The following ULK4 variants were observed in gnomAD, a reference collection of about 807,000 sequenced individuals.
ULK4 encodes the protein unc-51 like kinase 4, also known as inactive serine/threonine-protein kinase ULK4.
ULK4 carries 133 observed loss-of-function variants against 160.6 expected under a neutral mutation model. The ratio of observed to expected loss-of-function variants is 0.83; its 90% CI spans 0.72 to 0.96. ULK4 has a LOEUF of 0.96. ULK4 is among the 40% of genes least tolerant of loss of function. ULK4 has a pLI of 0.00. For missense variants in ULK4, 1,580 were observed against 1,499.5 expected, an observed-to-expected ratio of 1.05 and a Z score of -0.89; for synonymous variants, 534 against 539.8, an observed-to-expected ratio of 0.99 and a Z score of 0.15.
intron 20 of ULK4, among the ~76,000 whole-genome samples, chr3:41,793,105 G>A (rs1425839419): frequency 8.6e-5 from 13 of 151,906 alleles, no homozygotes; most frequent in Admixed American, 5.9e-4. Flanking sequence ...ACCAGAAGGC[G>A]GAGGTTGCAA....
In ULK4 at chr3:41,705,138, T is replaced by A; in HGVS notation, c.2700A>T (p.Ser900=). ...NIDGAIGLTA[S]EEFIKITLSA... ...ACAATGTGATCTTGATAAATTCTTC[T>A]GATGCTGTCAGTCCTAGAAATACAG... Residue 900 remains serine (S), a synonymous_variant, in exon 27 of 37, where the codon TCA becomes TCT. Coordinates refer to ENST00000301831, the MANE Select transcript of ULK4 (RefSeq NM_017886.4). 6.2e-7 allele frequency: 1 copy of A among 1,613,824 alleles called. No individual in the cohort carries two copies. The highest frequency in any genetic ancestry group is 8.5e-7 in the Non-Finnish European group (1 of 1,179,804).
intron 30 of ULK4, among the ~76,000 whole-genome samples, chr3:41,640,925 T>C (rs1331793550): frequency 7.2e-5 from 11 of 152,350 alleles, no homozygotes; most frequent in South Asian, 2.1e-4. Context: ...GAGCTTGCCA[T>C]CTATTTCCCA....
At chr3:41,343,721 G>A (rs1359817627) in intron 35 of ULK4, among the ~76,000 whole-genome samples, 1 of 152,134 alleles carries the variant, frequency 6.6e-6, no homozygotes, top group Non-Finnish European at 1.5e-5. Flanking sequence ...CAAGCCAAGA[G>A]CCAAATCATG....
At chr3:41,959,521 CAAA>C (rs1033325669) in intron 1 of ULK4, among the ~76,000 whole-genome samples, 1 of 150,358 alleles carries the variant, frequency 6.7e-6, no homozygotes, top group Non-Finnish European at 1.5e-5. Flanking sequence ...GACTCCATAT[CAAA>C]AAAAATAATA....
intron 30 of ULK4, among the ~76,000 whole-genome samples, chr3:41,627,429 A>C (rs1378322253): frequency 1.3e-5 from 2 of 152,208 alleles, no homozygotes; most frequent in Non-Finnish European, 2.9e-5. Flanking sequence ...CACATGAAGC[A>C]AGACACATGA....
chr3:41,571,006 T>A (rs1575430597), intron 31 of ULK4, among the ~76,000 whole-genome samples: 2 of 152,210 alleles, frequency 1.3e-5, no homozygotes, highest in African/African-American at 4.8e-5. Context: ...AAGAGATGAA[T>A]AATCCCATAA....
intron 17 of ULK4, among the ~76,000 whole-genome samples, chr3:41,871,889 T>C (rs1697107728): frequency 6.6e-6 from 1 of 152,242 alleles, no homozygotes; most frequent in African/African-American, 2.4e-5. Context: ...CTTGGTGTTA[T>C]GTCTAAAATC....
chr3:41,507,479 T>C (rs1283759514), intron 32 of ULK4, among the ~76,000 whole-genome samples: 1 of 150,800 alleles, frequency 6.6e-6, no homozygotes, highest in Non-Finnish European at 1.5e-5. Flanking sequence ...TTTAAGAAAC[T>C]AAATGACAAA....
At chr3:41,377,067 G>A (rs1367641605) in intron 35 of ULK4, among the ~76,000 whole-genome samples, 36 of 151,614 alleles carry the variant, frequency 2.4e-4, no homozygotes, top group Admixed American at 3.9e-4. Context: ...CAGAAATAAC[G>A]CCACATATCT....
Position 41,911,478 on chromosome 3 carries a change from T to C in ULK4, c.1015+63A>G, listed in dbSNP as rs190172159. On this transcript the variant is annotated intron_variant, in intron 10 of 36. Coordinates refer to ENST00000301831, the MANE Select transcript of ULK4 (RefSeq NM_017886.4). ...ACAAAGATTTAAAGGGACATAACACTGAAATTAGGAACTCTCTCAAACAAC... is the reference window on the plus strand; with the variant it reads ...ACAAAGATTTAAAGGGACATAACACCGAAATTAGGAACTCTCTCAAACAAC... 126 of 1,586,684 alleles carry C rather than the reference T, an allele frequency of 7.9e-5. No homozygotes were observed. The East Asian group carries it at 2.1e-3, about 27-fold the overall frequency.
intron 29 of ULK4, among the ~76,000 whole-genome samples, chr3:41,674,872 G>C (rs9883023): frequency 0.065 from 9,930 of 152,162 alleles, 672 homozygotes; most frequent in African/African-American, 0.17. Context: ...TGCACCATGG[G>C]TTGAGTAATT....
intron 34 of ULK4, 77 bp from the exon 35 acceptor site, chr3:41,398,341 G>A: frequency 6.8e-7 from 1 of 1,473,026 alleles, no homozygotes; most frequent in Non-Finnish European, 9.3e-7. Context: ...AGTAAAATTT[G>A]GCTTGATGGG....
chr3:41,655,934 T>C (rs2034921104), intron 30 of ULK4, among the ~76,000 whole-genome samples: 1 of 152,220 alleles, frequency 6.6e-6, no homozygotes, highest in Non-Finnish European at 1.5e-5. Context: ...AGGCATATAA[T>C]AAATTGAAAG....
intron 30 of ULK4, among the ~76,000 whole-genome samples, chr3:41,637,214 A>G (rs2033993426): frequency 1.3e-5 from 2 of 151,844 alleles, no homozygotes; most frequent in Non-Finnish European, 2.9e-5. Flanking sequence ...TCCTTCCCTC[A>G]CCCCTCAGTA....
intron 2 of ULK4, among the ~76,000 whole-genome samples, chr3:41,941,863 A>T (rs993873786): frequency 6.6e-6 from 1 of 151,912 alleles, no homozygotes; most frequent in Non-Finnish European, 1.5e-5. Flanking sequence ...CCACTGATTC[A>T]GGCACAGGAA....
chr3:41,753,565 G>A (rs969111374), intron 22 of ULK4, among the ~76,000 whole-genome samples: 1 of 152,192 alleles, frequency 6.6e-6, no homozygotes, highest in Non-Finnish European at 1.5e-5. Flanking sequence ...AGAGCAAAGA[G>A]TTACAAGCCG....
intron 2 of ULK4, among the ~76,000 whole-genome samples, chr3:41,939,863 C>T (rs1366416428): frequency 6.6e-6 from 1 of 152,098 alleles, no homozygotes; most frequent in Non-Finnish European, 1.5e-5. Context: ...GTGAACTGTG[C>T]ATAGGAGGGA....
intron 27 of ULK4, among the ~76,000 whole-genome samples, chr3:41,691,032 G>A (rs1296804309): frequency 6.6e-6 from 1 of 151,730 alleles, no homozygotes; most frequent in Admixed American, 6.6e-5. Flanking sequence ...AGTCTCCCTA[G>A]ATAGAAACAC....
Position 41,931,865 on chromosome 3 carries a change from T to C in ULK4, c.520A>G (p.Ser174Gly), listed in dbSNP as rs764054182. Residue 174 changes from serine to glycine, a missense_variant, in exon 5 of 37, where the codon AGC becomes GGC. By Grantham distance (56) the Ser-to-Gly change is moderately conservative. Coordinates refer to ENST00000301831, the MANE Select transcript of ULK4 (RefSeq NM_017886.4). ...ATACCTTTGACTCTACTTTTCATGC[T>C]TTTCTTCAGGACATTTTCCCCATTA... Reference protein sequence around the residue: ...GDNGENVLKKSMKSRVKGSPV... With the variant: ...GDNGENVLKKGMKSRVKGSPV... 3 of 1,614,008 alleles carry C rather than the reference T, an allele frequency of 1.9e-6. No individual in the cohort carries two copies. Among genetic ancestry groups the C allele is most frequent in the Middle Eastern group, 1.6e-4 (1 of 6,082 alleles).
Sources: allele counts gnomAD v4.1 joint callset (sites outside exome capture counted in the v4.1 genomes callset), GRCh38; gene constraint gnomAD v4.1.1; transcripts MANE v1.5; gene names NCBI Gene and HGNC (gene_info 2026-07-23, HGNC 2026-07-21).